NRG3: variants seen among roughly 807,000 people sequenced by gnomAD.
The protein encoded by NRG3 is pro-neuregulin-3, membrane-bound isoform.
Under a neutral mutation model 66.9 loss-of-function variants are expected in NRG3, and 31 were observed. The ratio of observed to expected loss-of-function variants is 0.46; its 90% CI spans 0.35 to 0.63. The LOEUF is 0.63. Among genes scored for constraint, NRG3 ranks in the 20% least tolerant of loss-of-function variants. The pLI is 0.00. For missense variants in NRG3, 910 were observed against 878.9 expected (o/e 1.04, Z -0.45); for synonymous variants, 393 against 359.4 (o/e 1.09, Z -1.06).
intron 1 of NRG3, among the ~76,000 whole-genome samples, chr10:81,934,796 A>G (rs1470969055): frequency 6.6e-6 from 1 of 152,156 alleles, no homozygotes; most frequent in Non-Finnish European, 1.5e-5. Flanking sequence ...TTGACAAATC[A>G]TGCTCTATTT....
intron 1 of NRG3, among the ~76,000 whole-genome samples, chr10:82,003,884 G>A (rs968396331): frequency 4.6e-5 from 7 of 151,854 alleles, no homozygotes; most frequent in African/African-American, 7.3e-5. Context: ...TGGGTGTGTT[G>A]GCATGCACCT....
intron 1 of NRG3, among the ~76,000 whole-genome samples, chr10:81,930,948 AAAAC>A (rs1847287013): frequency 6.6e-6 from 1 of 152,108 alleles, no homozygotes; most frequent in Admixed American, 6.5e-5. Flanking sequence ...CGGTTTGTAA[AAAAC>A]AGGCTGAAAA....
chr10:82,938,047 A>G (rs948390993), intron 4 of NRG3, among the ~76,000 whole-genome samples: 9 of 152,330 alleles, frequency 5.9e-5, no homozygotes, highest in Admixed American at 5.9e-4. Context: ...AAGTGATACT[A>G]TTTTATATAT....
chr10:82,316,428 A>G (rs1030014130), intron 1 of NRG3, among the ~76,000 whole-genome samples: 4 of 152,218 alleles, frequency 2.6e-5, no homozygotes, highest in Non-Finnish European at 5.9e-5. Flanking sequence ...GTCTTATGAA[A>G]AAAAGTAGAA....
intron 8 of NRG3, chr10:82,984,883 C>A: frequency 7.2e-7 from 1 of 1,391,398 alleles, no homozygotes; most frequent in East Asian, 2.4e-5. Flanking sequence ...GAGTCTCAGT[C>A]TGTCACTTAT....
intron 7 of NRG3, among the ~76,000 whole-genome samples, chr10:82,977,459 A>C (rs1416249994): frequency 3.3e-5 from 5 of 152,018 alleles, no homozygotes; most frequent in Non-Finnish European, 7.4e-5. Flanking sequence ...AAATACAAAA[A>C]TTAGCCTGCC....
At chr10:82,598,604 G>A (rs2047426011) in intron 2 of NRG3, among the ~76,000 whole-genome samples, 1 of 152,168 alleles carries the variant, frequency 6.6e-6, no homozygotes, top group Non-Finnish European at 1.5e-5. Flanking sequence ...CACCATGGAG[G>A]GATAGAAGGA....
intron 1 of NRG3, among the ~76,000 whole-genome samples, chr10:82,101,098 C>T (rs988865335): frequency 6.6e-6 from 1 of 151,774 alleles, no homozygotes; most frequent in Non-Finnish European, 1.5e-5. Context: ...GGCACATTTC[C>T]TCTATAGACA....
At chr10:82,492,184 C>T (rs141789324) in intron 2 of NRG3, among the ~76,000 whole-genome samples, 1,939 of 152,258 alleles carry the variant, frequency 0.013, 40 homozygotes, top group African/African-American at 0.044. Flanking sequence ...TCCAATTGCT[C>T]ATGGAGCTGA....
chr10:82,527,195 A>C (rs1470329001), intron 2 of NRG3, among the ~76,000 whole-genome samples: 2 of 152,148 alleles, frequency 1.3e-5, no homozygotes, highest in Non-Finnish European at 2.9e-5. Context: ...CTATACAACA[A>C]ATGGAGAAAA....
At chr10:81,939,606 T>G (rs534823751) in intron 1 of NRG3, among the ~76,000 whole-genome samples, 1 of 152,036 alleles carries the variant, frequency 6.6e-6, no homozygotes, top group East Asian at 1.9e-4. Flanking sequence ...GTGGCATCAG[T>G]TGTAATGCCT....
intron 1 of NRG3, among the ~76,000 whole-genome samples, chr10:82,146,371 A>T (rs555231918): frequency 6.6e-6 from 1 of 152,196 alleles, no homozygotes; most frequent in East Asian, 1.9e-4. Flanking sequence ...TCTCTGTGTT[A>T]TTCGCCTCAG....
At chr10:82,481,746 A>G (rs899668308) in intron 2 of NRG3, among the ~76,000 whole-genome samples, 4 of 152,110 alleles carry the variant, frequency 2.6e-5, no homozygotes, top group African/African-American at 9.7e-5. Context: ...GCACTTTGGG[A>G]GGCCGAGGCA....
intron 3 of NRG3, among the ~76,000 whole-genome samples, chr10:82,747,128 A>G (rs934170311): frequency 5.3e-5 from 8 of 152,038 alleles, no homozygotes; most frequent in Non-Finnish European, 1.0e-4. Flanking sequence ...GGATTATACT[A>G]CCTGTATTTT....
chr10:82,560,401 A>G (rs900985443), intron 2 of NRG3, among the ~76,000 whole-genome samples: 1 of 151,100 alleles, frequency 6.6e-6, no homozygotes, highest in African/African-American at 2.4e-5. Context: ...ATGTTTTATA[A>G]CTTTCTTATT....
At chr10:82,776,075 T>C (rs1331104831) in intron 3 of NRG3, among the ~76,000 whole-genome samples, 1 of 152,216 alleles carries the variant, frequency 6.6e-6, no homozygotes, top group Non-Finnish European at 1.5e-5. Context: ...AATCCTTTTA[T>C]TTCCAATTGA....
At chr10:82,290,864 C>T (rs572636866) in intron 1 of NRG3, among the ~76,000 whole-genome samples, 4 of 150,888 alleles carry the variant, frequency 2.7e-5, no homozygotes, top group South Asian at 2.1e-4. Flanking sequence ...AGGATGGTCT[C>T]GATCTCCTGA....
intron 1 of NRG3, among the ~76,000 whole-genome samples, chr10:81,898,325 C>T (rs932200632): frequency 2.6e-5 from 4 of 152,082 alleles, no homozygotes; most frequent in Non-Finnish European, 5.9e-5. Context: ...ACATTCTGGC[C>T]CCTAAAGACG....
At chr10:82,281,236 G>T (rs1345794890) in intron 1 of NRG3, among the ~76,000 whole-genome samples, 1 of 152,140 alleles carries the variant, frequency 6.6e-6, no homozygotes, top group African/African-American at 2.4e-5. Context: ...CTGGGATGAG[G>T]TATGGTCTTC....
Sources: allele counts gnomAD v4.1 joint callset (sites outside exome capture counted in the v4.1 genomes callset), GRCh38; gene constraint gnomAD v4.1.1; transcripts MANE v1.5; gene names NCBI Gene and HGNC (gene_info 2026-07-23, HGNC 2026-07-21).